The following PTPRC variants were observed in gnomAD, a reference collection of about 807,000 sequenced individuals.
PTPRC encodes the protein receptor-type tyrosine-protein phosphatase C.
In PTPRC, 44 loss-of-function variants were observed where a neutral mutation model predicts 155.9. The ratio of observed to expected loss-of-function variants is 0.28; its 90% CI spans 0.22 to 0.36. The LOEUF (loss-of-function observed/expected upper bound fraction) is 0.36, where lower values mean the gene tolerates loss of function less well. Among genes scored for constraint, PTPRC ranks in the 10% least tolerant of loss-of-function variants. PTPRC has a pLI of 1.00. For synonymous variants in PTPRC, 525 were observed against 533.1 expected (o/e 0.98, Z 0.21); for missense variants, 1,401 against 1,564.6 (o/e 0.90, Z 1.76).
intron 23 of PTPRC, among the ~76,000 whole-genome samples, chr1:198,741,488 C>T (rs1249637350): frequency 6.6e-6 from 1 of 151,792 alleles, no homozygotes; most frequent in Non-Finnish European, 1.5e-5. Flanking sequence ...AAACACAAAT[C>T]CAAAAAGCTT....
chr1:198,707,701 A>T (rs948689133), intron 9 of PTPRC, among the ~76,000 whole-genome samples: 2 of 152,238 alleles, frequency 1.3e-5, no homozygotes, highest in Non-Finnish European at 2.9e-5. Flanking sequence ...AGAAGATGAC[A>T]ATACTTAAAA....
At chr1:198,654,449 C>G (rs1663429285) in intron 2 of PTPRC, among the ~76,000 whole-genome samples, 1 of 151,750 alleles carries the variant, frequency 6.6e-6, no homozygotes, top group Admixed American at 6.6e-5. Flanking sequence ...TTATATGGTA[C>G]ACGAAAAATT....
intron 5 of PTPRC, 50 bp from the exon 6 acceptor site, chr1:198,702,337 C>T (rs758822854): frequency 6.2e-7 from 1 of 1,612,796 alleles, no homozygotes; most frequent in African/African-American, 1.3e-5. Flanking sequence ...TGGCTATTGC[C>T]CTTGCGTGAC....
chr1:198,666,520 A>C (rs939934834), intron 2 of PTPRC, among the ~76,000 whole-genome samples: 22 of 152,206 alleles, frequency 1.4e-4, no homozygotes, highest in African/African-American at 5.1e-4. Flanking sequence ...TAGTAAATGT[A>C]AAAATAAAGG....
At chr1:198,669,751 T>G (rs1170234155) in intron 2 of PTPRC, among the ~76,000 whole-genome samples, 2 of 152,288 alleles carry the variant, frequency 1.3e-5, no homozygotes, top group East Asian at 3.9e-4. Context: ...ATCAGGAAAT[T>G]TTTTTAAAAT....
intron 3 of PTPRC, 41 bp from the exon 4 acceptor site, chr1:198,696,671 A>G (rs1666217637): frequency 2.0e-6 from 3 of 1,514,304 alleles, no homozygotes; most frequent in Admixed American, 1.7e-5. Flanking sequence ...TATGATTCAC[A>G]TATTTATTTT....
At chr1:198,719,767 C>T (rs1263596108) in intron 14 of PTPRC, among the ~76,000 whole-genome samples, 1 of 151,898 alleles carries the variant, frequency 6.6e-6, no homozygotes, top group Non-Finnish European at 1.5e-5. Flanking sequence ...CCTGCCACCA[C>T]ACCTGGCAAA....
At chr1:198,670,942 C>T (rs1298321037) in intron 2 of PTPRC, among the ~76,000 whole-genome samples, 1 of 151,918 alleles carries the variant, frequency 6.6e-6, no homozygotes, top group East Asian at 1.9e-4. Context: ...ATTTATTTTG[C>T]ATTAAGTATT....
chr1:198,702,352 A>T lies in PTPRC; in HGVS notation c.440-35A>T, dbSNP rs748139657. 6.8e-6 allele frequency: 11 copies of T among 1,614,160 alleles called. No homozygotes were observed. In the Admixed American group the frequency reaches 1.8e-4, roughly 27 times the overall value. ...TGGCTATTGCCCTTGCGTGACAGACACAAGTGACAGTGCTGATGGCCCTTC... is the reference window on the plus strand; with the variant it reads ...TGGCTATTGCCCTTGCGTGACAGACTCAAGTGACAGTGCTGATGGCCCTTC... On this transcript the variant is annotated intron_variant, in intron 5 of 32. Transcript: ENST00000442510.
At position 198,732,271 on chromosome 1, in the gene PTPRC, G is replaced by C. The variant is rs538313721; in HGVS notation, c.1975-29G>C. 2.4e-4 allele frequency: 379 copies of C among 1,548,982 alleles called. 4 individuals are homozygous for C. In the South Asian group the frequency reaches 4.0e-3, roughly 16 times the overall value. On this transcript the variant is annotated intron_variant, in intron 18 of 32. Transcript: ENST00000442510. ...GGAAATTATTTTTCCTGAATCTGCT[G>C]TGATCCAAGAAATCGTTGTTTCTTT...
chr1:198,702,331 T>A (rs1315587165), intron 5 of PTPRC, 56 bp from the exon 6 acceptor site: 4 of 1,611,760 alleles, frequency 2.5e-6, no homozygotes, highest in East Asian at 2.2e-5. Flanking sequence ...GCTATCTGGC[T>A]ATTGCCCTTG....
At chr1:198,724,871 G>A (rs538350967) in intron 15 of PTPRC, among the ~76,000 whole-genome samples, 18 of 152,070 alleles carry the variant, frequency 1.2e-4, no homozygotes, top group African/African-American at 3.6e-4. Context: ...GCATAATCTC[G>A]GCTCACTGCA....
At chr1:198,671,731 C>T (rs965159769) in intron 2 of PTPRC, among the ~76,000 whole-genome samples, 2 of 152,150 alleles carry the variant, frequency 1.3e-5, no homozygotes, top group Non-Finnish European at 1.5e-5. Context: ...TGTCATATTT[C>T]CTGTATTGGT....
At chr1:198,666,983 G>A (rs1664349126) in intron 2 of PTPRC, 2 of 152,110 alleles carry the variant, frequency 1.3e-5, no homozygotes, top group Non-Finnish European at 2.9e-5. Flanking sequence ...ACATAATAAT[G>A]CCCTAAGCAA....
At chr1:198,745,267 G>A (rs772522346) in intron 26 of PTPRC, among the ~76,000 whole-genome samples, 3 of 151,850 alleles carry the variant, frequency 2.0e-5, no homozygotes, top group Admixed American at 6.6e-5. Flanking sequence ...TGATCTGCAA[G>A]TGGACATGGG....
At position 198,729,141 on chromosome 1, in the gene PTPRC, T is replaced by G. The variant is rs1417282394; in HGVS notation, c.1834T>G (p.Leu612Val). The stretch of plus-strand genomic sequence containing the variant: ...TTATTTTTCCTATTTTCACAGCAAT[T>G]TAGATGAACAGCAGGAGCTTGTTGA... ...YDLHKKRSCN[L>V]DEQQELVERD... The change falls in exon 17 of 33, where the codon TTA becomes GTA. Residue 612 changes from leucine (L) to valine (V), a missense_variant. This residue lies in a region of PTPRC where 867 missense variants were observed against 970.4 expected (regional missense o/e 0.89). Coordinates refer to ENST00000442510, the MANE Select transcript of PTPRC (RefSeq NM_002838.5). The G allele has an allele frequency of 1.2e-6, 2 of 1,610,868 alleles. No individual in the cohort carries two copies. The highest frequency in any genetic ancestry group is 1.7e-6 in the Non-Finnish European group (2 of 1,178,338).
rs770772215 is a variant in PTPRC, at chr1:198,756,214, C to CTGT, written c.*35_*37dup. On this transcript the variant is annotated 3_prime_UTR_variant, in exon 33 of 33. Coordinates refer to ENST00000442510, the MANE Select transcript of PTPRC (RefSeq NM_002838.5). ...CATAAATGAGGAAACTCCAAACCTC[C>CTGT]TGTTAGCTGTTATTTCTATTTTTGT... The CTGT allele has an allele frequency of 1.1e-4, 181 of 1,610,644 alleles. No homozygotes were observed. In the Middle Eastern group the frequency reaches 1.2e-3, roughly 10 times the overall value.
chr1:198,649,361 T>C (rs533431875), intron 2 of PTPRC, among the ~76,000 whole-genome samples: 1 of 151,972 alleles, frequency 6.6e-6, no homozygotes, highest in Admixed American at 6.6e-5. Context: ...GATAAAGGTA[T>C]GTAATGGCTA....
At position 198,757,382 on chromosome 1, in the gene PTPRC, A is replaced by G. The variant is rs990540288; in HGVS notation, c.*1201A>G. 5 of 151,690 alleles carry G rather than the reference A, an allele frequency of 3.3e-5. No individual in the cohort carries two copies. Among genetic ancestry groups the G allele is most frequent in the South Asian group, 2.1e-4 (1 of 4,818 alleles). The allele number at this position is 151,690 out of a possible 1,614,324, so 9.4% of individuals were successfully genotyped here. The stretch of plus-strand genomic sequence containing the variant: ...TTGCAGGACACTTTTACAGGCCCCA[A>G]TTATCCAATAGTCTAATAATTGTTT... On this transcript the variant is annotated 3_prime_UTR_variant, in exon 33 of 33. Coordinates refer to ENST00000442510, the MANE Select transcript of PTPRC (RefSeq NM_002838.5).
Sources: gnomAD v4.1 joint callset for allele counts (sites outside exome capture counted in the v4.1 genomes callset) on GRCh38, gnomAD v4.1.1 for gene constraint, gnomAD v4.1.1 regional missense constraint, MANE v1.5 for transcripts, NCBI Gene and HGNC (gene_info 2026-07-23, HGNC 2026-07-21) for gene names.